ARG2: variants seen among roughly 807,000 people sequenced by gnomAD.
The protein encoded by ARG2 is arginase-2, mitochondrial.
In ARG2, 21 loss-of-function variants were observed where a neutral mutation model predicts 39.4. The observed-to-expected ratio is 0.53, with a 90% CI of 0.38 to 0.77. The LOEUF is 0.77. ARG2 is among the 30% of genes least tolerant of loss of function. The pLI is 0.00. For synonymous variants in ARG2, 150 were observed against 156.7 expected, an observed-to-expected ratio of 0.96 and a Z score of 0.32; for missense variants, 378 against 426.2, an observed-to-expected ratio of 0.89 and a Z score of 1.00.
intron 2 of ARG2, among the ~76,000 whole-genome samples, chr14:67,634,019 C>A (rs1442326364): frequency 6.6e-6 from 1 of 152,140 alleles, no homozygotes; most frequent in Non-Finnish European, 1.5e-5. Context: ...CAGCCTGTGA[C>A]CTCCTTGAAG....
chr14:67,619,953 T>C lies in ARG2; in HGVS notation c.-25T>C. ...CTTCCAACCGCGCGGAGCCTCTGCC[T>C]TGGAGATTCTCAGTGCTGCGGATCA... On this transcript the variant is annotated 5_prime_UTR_variant, in exon 1 of 8. Transcript: ENST00000261783. 1 of 1,521,332 alleles carries C rather than the reference T, an allele frequency of 6.6e-7. No individual in the cohort carries two copies. The highest frequency in any genetic ancestry group is 2.5e-5 in the East Asian group (1 of 40,232). The allele number at this position is 1,521,332 out of a possible 1,614,324, so 94.2% of individuals were successfully genotyped here. A position where few individuals can be genotyped will look rare whatever the true frequency, so the allele number is the denominator to read the frequency against.
chr14:67,641,341 T>C (rs896981050), intron 2 of ARG2, among the ~76,000 whole-genome samples: 5 of 152,220 alleles, frequency 3.3e-5, no homozygotes, highest in African/African-American at 1.2e-4. Context: ...TCTAAAACAC[T>C]TCTGGTCCCA....
chr14:67,621,014 A>C (rs3742876), intron 2 of ARG2, 48 bp downstream of exon 2: 1 of 1,560,178 alleles, frequency 6.4e-7, no homozygotes, highest in Non-Finnish European at 8.8e-7. Flanking sequence ...GTAATAGACC[A>C]CTTCAGAGTC....
rs977694599 is a variant in ARG2, at chr14:67,651,562, C to T, written c.*642C>T. ...AACATTTTGGGGTTAGACCTGGGAC[C>T]ACGGCTGGATACTCTGAGGCTGTAT... On this transcript the variant is annotated 3_prime_UTR_variant, in exon 8 of 8. Coordinates refer to ENST00000261783, the MANE Select transcript of ARG2 (RefSeq NM_001172.4). 2.7e-6 allele frequency: 4 copies of T among 1,490,868 alleles called. No homozygotes were observed. The highest frequency in any genetic ancestry group is 1.8e-4 in the Middle Eastern group (1 of 5,708). 92.4% of individuals were successfully genotyped at this position (1,490,868 alleles called of 1,614,324 possible). A position where few individuals can be genotyped will look rare whatever the true frequency, so the allele number is the denominator to read the frequency against.
At chr14:67,634,941 T>C (rs73274538) in intron 2 of ARG2, among the ~76,000 whole-genome samples, 3,558 of 152,286 alleles carry the variant, frequency 0.023, 139 homozygotes, top group African/African-American at 0.081. Context: ...GGGACAGATA[T>C]CTCAAGACAC....
At chr14:67,643,318 C>G (rs1261734886) in intron 3 of ARG2, among the ~76,000 whole-genome samples, 1 of 152,148 alleles carries the variant, frequency 6.6e-6, no homozygotes, top group East Asian at 1.9e-4. Flanking sequence ...TACAGAATTT[C>G]AAAGGAGGAA....
At chr14:67,622,859 CA>C (rs1555378943) in intron 2 of ARG2, among the ~76,000 whole-genome samples, 3 of 152,218 alleles carry the variant, frequency 2.0e-5, no homozygotes, top group Non-Finnish European at 4.4e-5. Flanking sequence ...CTATAACAAT[CA>C]GCTGAGGCTG....
chr14:67,640,994 A>G (rs1202219023), intron 2 of ARG2, among the ~76,000 whole-genome samples: 1 of 152,226 alleles, frequency 6.6e-6, no homozygotes, highest in Non-Finnish European at 1.5e-5. Flanking sequence ...ATGGTATGTC[A>G]TATTTTCTGC....
intron 2 of ARG2, among the ~76,000 whole-genome samples, chr14:67,631,435 T>TC (rs2036917856): frequency 7.9e-6 from 1 of 126,992 alleles, no homozygotes; most frequent in Non-Finnish European, 1.6e-5. Context: ...TCTTTCTTTC[T>TC]TTTTTTTTTT....
chr14:67,633,975 G>A (rs1351432105), intron 2 of ARG2, among the ~76,000 whole-genome samples: 2 of 152,144 alleles, frequency 1.3e-5, no homozygotes, highest in South Asian at 4.1e-4. Context: ...TTAGCACTGG[G>A]CTGGGCTGCC....
chr14:67,650,402 C>A, intron 7 of ARG2: 1 of 329,390 alleles, frequency 3.0e-6, no homozygotes, highest in South Asian at 4.1e-5. Flanking sequence ...GGATGAAAAC[C>A]TCCCCCACCC....
At chr14:67,636,137 C>T (rs1019399805) in intron 2 of ARG2, among the ~76,000 whole-genome samples, 2 of 152,104 alleles carry the variant, frequency 1.3e-5, no homozygotes, top group African/African-American at 2.4e-5. Context: ...CAATGGGTTG[C>T]CTGTGGCTCA....
chr14:67,634,689 G>C (rs1262525074), intron 2 of ARG2, among the ~76,000 whole-genome samples: 1 of 151,914 alleles, frequency 6.6e-6, no homozygotes, highest in Non-Finnish European at 1.5e-5. Context: ...AGTAGATAAT[G>C]ACTGCTTTCT....
Position 67,651,020 on chromosome 14 carries a change from C to T in ARG2, c.*100C>T. ...AAATGGTTGTCTGGGTCAATACTGC[C>T]TTAATGAGAACATTTACACATTCTC... On this transcript the variant is annotated 3_prime_UTR_variant, in exon 8 of 8. Transcript: ENST00000261783. 8.2e-7 allele frequency: 1 copy of T among 1,223,748 alleles called. No individual in the cohort carries two copies. The highest frequency in any genetic ancestry group is 1.2e-6 in the Non-Finnish European group (1 of 860,490). The allele number at this position is 1,223,748 out of a possible 1,614,324, so 75.8% of individuals were successfully genotyped here.
chr14:67,637,852 G>A (rs1175482390), intron 2 of ARG2, among the ~76,000 whole-genome samples: 2 of 152,214 alleles, frequency 1.3e-5, no homozygotes, highest in Non-Finnish European at 1.5e-5. Flanking sequence ...AAATCCATTC[G>A]CATTCTGTTC....
chr14:67,651,288 C>G lies in ARG2; in HGVS notation c.*368C>G. On this transcript the variant is annotated 3_prime_UTR_variant, in exon 8 of 8. Coordinates refer to ENST00000261783, the MANE Select transcript of ARG2 (RefSeq NM_001172.4). ...GCTATACAGTGCATCCTTGAACTGT[C>G]AGCCCACAGCAGCAATATGCTTATT... 1 of 1,599,724 alleles carries G rather than the reference C, an allele frequency of 6.3e-7. No homozygotes were observed. The highest frequency in any genetic ancestry group is 8.5e-7 in the Non-Finnish European group (1 of 1,173,118).
At position 67,651,413 on chromosome 14, in the gene ARG2, A is replaced by T; in HGVS notation, c.*493A>T. 1 of 1,613,990 alleles carries T rather than the reference A, an allele frequency of 6.2e-7. No homozygotes were observed. Among genetic ancestry groups the T allele is most frequent in the Non-Finnish European group, 8.5e-7 (1 of 1,179,872 alleles). The stretch of plus-strand genomic sequence containing the variant: ...ATGGCTGCGAAAGAATTTGTAGTAA[A>T]CCAGGCCTCCCAGGATGGCGAGCTC... On this transcript the variant is annotated 3_prime_UTR_variant, in exon 8 of 8. Coordinates refer to ENST00000261783, the MANE Select transcript of ARG2 (RefSeq NM_001172.4).
In ARG2 at chr14:67,620,772, T is replaced by C. The variant is rs1345241996; in HGVS notation, c.112-122T>C. The C allele has an allele frequency of 2.6e-5, 23 of 882,502 alleles. No homozygotes were observed. The East Asian group carries it at 3.2e-4, about 12-fold the overall frequency. The allele number at this position is 882,502 out of a possible 1,614,324, so 54.7% of individuals were successfully genotyped here. ...AACAATGGAGTTGGAAGGACAGTCA[T>C]TGATGGAAGGGCTGATGCTGTCACA... On this transcript the variant is annotated intron_variant, in intron 1 of 7. Transcript: ENST00000261783.
At chr14:67,627,253 G>GGA (rs1328823696) in intron 2 of ARG2, among the ~76,000 whole-genome samples, 8 of 51,626 alleles carry the variant, frequency 1.5e-4, no homozygotes, top group Admixed American at 3.3e-4. Flanking sequence ...TGATCAGTAA[G>GGA]GAGATATATA....
Sources: gnomAD v4.1 joint callset for allele counts (sites outside exome capture counted in the v4.1 genomes callset) on GRCh38, gnomAD v4.1.1 for gene constraint, MANE v1.5 for transcripts, NCBI Gene and HGNC (gene_info 2026-07-23, HGNC 2026-07-21) for gene names.